The following PCDHGB6 variants were observed in gnomAD, a reference collection of about 807,000 sequenced individuals.
PCDHGB6 encodes protocadherin gamma subfamily B, 6.
A neutral mutation model predicts 59.1 loss-of-function variants in PCDHGB6; 51 were observed. The ratio of observed to expected loss-of-function variants is 0.86; its 90% CI spans 0.69 to 1.09. The LOEUF is 1.09. Ranked by LOEUF, PCDHGB6 falls within the 50% of genes least tolerant of loss-of-function variation. The pLI is 0.00. For synonymous variants in PCDHGB6, 466 were observed against 495.1 expected (o/e 0.94, Z 0.78); for missense variants, 1,148 against 1,205.1 (o/e 0.95, Z 0.70).
At position 141,498,660 on chromosome 5, in the gene PCDHGB6, G is replaced by A. The variant is rs969314533; in HGVS notation, c.2477+3795G>A. Among the ~76,000 whole-genome samples, 11 of 152,192 alleles carry A rather than the reference G, an allele frequency of 7.2e-5. No homozygotes were observed. In the East Asian group the frequency reaches 9.6e-4, roughly 13 times the overall value. ...GAAGGAAGAAGACCTGGCCAGGTGT[G>A]GTGGCTCACGCCTGTAATCCCAGCA... is the stretch of plus-strand genomic sequence containing the variant. On this transcript the variant is annotated intron_variant, in intron 2 of 3. Coordinates refer to ENST00000520790, the MANE Select transcript of PCDHGB6 (RefSeq NM_018926.3).
In PCDHGB6 at chr5:141,443,822, A is replaced by G. The variant is rs183934410; in HGVS notation, c.2418+33202A>G. ...GAAACAGTTACCTTTGGAAAACATAATTAGGTAAAATGGGTAATATGGAAA... is the reference window on the plus strand; with the variant it reads ...GAAACAGTTACCTTTGGAAAACATAGTTAGGTAAAATGGGTAATATGGAAA... On this transcript the variant is annotated intron_variant, in intron 1 of 3. Coordinates refer to ENST00000520790, the MANE Select transcript of PCDHGB6 (RefSeq NM_018926.3). Among the ~76,000 whole-genome samples, 330 of 152,316 alleles carry G rather than the reference A, an allele frequency of 2.2e-3. 2 individuals carry two copies. Among genetic ancestry groups the G allele is most frequent in the Non-Finnish European group, 4.1e-3 (279 of 68,018 alleles).
Position 141,510,362 on chromosome 5 carries a change from C to T in PCDHGB6, c.2567-585C>T, listed in dbSNP as rs74321279. Among the ~76,000 whole-genome samples the T allele has an allele frequency of 2.0e-4, 29 of 142,136 alleles. No homozygotes were observed. In the East Asian group the frequency reaches 5.7e-3, roughly 28 times the overall value. The allele number at this position is 142,136 out of a possible 152,430, so 93.2% of individuals were successfully genotyped here. A position where few individuals can be genotyped will look rare whatever the true frequency, so the allele number is the denominator to read the frequency against. On this transcript the variant is annotated intron_variant, in intron 3 of 3. Coordinates refer to ENST00000520790, the MANE Select transcript of PCDHGB6 (RefSeq NM_018926.3). ...CCCACACACTTACTAACGGAACTAC[C>T]GAATCTCTACTCGTGCCAGGCCTTG... is the stretch of plus-strand genomic sequence containing the variant.
chr5:141,476,179 T>C lies in PCDHGB6; in HGVS notation c.2419-18628T>C, dbSNP rs1283155400. 26 of 1,613,476 alleles carry C rather than the reference T, an allele frequency of 1.6e-5. No homozygotes were observed. The highest frequency in any genetic ancestry group is 2.0e-5 in the Non-Finnish European group (24 of 1,179,998). On this transcript the variant is annotated intron_variant, in intron 1 of 3. Transcript: ENST00000520790. This position sits in a 1 kb window ranked among gnomAD's most constrained non-coding sequence, Gnocchi z 7.6. Reference sequence around the variant, plus strand: ...CCGGGAGGGTAGTGGGAGTTTTGCTTCTGCTTGGTGCCTTGAACAAGGCTT... The same window carrying C: ...CCGGGAGGGTAGTGGGAGTTTTGCTCCTGCTTGGTGCCTTGAACAAGGCTT...
chr5:141,438,807 G>A (rs956766683), intron 1 of PCDHGB6, among the ~76,000 whole-genome samples: 13 of 149,270 alleles, frequency 8.7e-5, no homozygotes, highest in African/African-American at 1.7e-4. Context: ...GATTACAGGC[G>A]CCTGTCACCA....
At chr5:141,473,470 A>G (rs555568617) in intron 1 of PCDHGB6, among the ~76,000 whole-genome samples, 2 of 151,816 alleles carry the variant, frequency 1.3e-5, no homozygotes, top group South Asian at 4.2e-4. Flanking sequence ...AGTTGTGCCA[A>G]GTTCAATGGA....
At chr5:141,424,577 A>T (rs958508704) in intron 1 of PCDHGB6, 1 of 152,206 alleles carries the variant, frequency 6.6e-6, no homozygotes, top group Non-Finnish European at 1.5e-5. Context: ...ACCTATTTTC[A>T]AATGTGCTAA....
In PCDHGB6 at chr5:141,486,157, A is replaced by C. The variant is rs1562110580; in HGVS notation, c.2419-8650A>C. On this transcript the variant is annotated intron_variant, in intron 1 of 3. Transcript: ENST00000520790. This position sits in a 1 kb window ranked among gnomAD's most constrained non-coding sequence, Gnocchi z 5.0. ...TGCGGGCTCGCGATGGGGGTTCTCC[A>C]GCCATGGAGCAACATTGCAGCCTTC... 10 of 1,614,208 alleles carry C rather than the reference A, an allele frequency of 6.2e-6. No individual in the cohort carries two copies. The highest frequency in any genetic ancestry group is 8.5e-6 in the Non-Finnish European group (10 of 1,180,028).
chr5:141,422,310 T>A, intron 1 of PCDHGB6: 1 of 1,546,532 alleles, frequency 6.5e-7, no homozygotes, highest in Non-Finnish European at 8.7e-7. Flanking sequence ...TGGAAAACTC[T>A]CCTCCAGGTA....
chr5:141,430,705 T>C (rs914464861), intron 1 of PCDHGB6: 3 of 1,477,958 alleles, frequency 2.0e-6, no homozygotes, highest in African/African-American at 2.8e-5. Flanking sequence ...AAGGAACTGC[T>C]CCTGACTTCA....
At chr5:141,430,716 G>T (rs1327065498) in intron 1 of PCDHGB6, 2 of 1,487,962 alleles carry the variant, frequency 1.3e-6, no homozygotes, top group African/African-American at 2.8e-5. Context: ...CCTGACTTCA[G>T]TGGTTAAGGG....
At chr5:141,448,074 G>A (rs1008235342) in intron 1 of PCDHGB6, among the ~76,000 whole-genome samples, 3 of 151,152 alleles carry the variant, frequency 2.0e-5, no homozygotes, top group Admixed American at 1.3e-4. Context: ...CAACATGAAC[G>A]AAATGCCATC....
chr5:141,427,805 A>G lies in PCDHGB6; in HGVS notation c.2418+17185A>G, dbSNP rs1010656936. The G allele has an allele frequency of 3.3e-6, 5 of 1,520,154 alleles. No homozygotes were observed. In the African/African-American group the frequency reaches 4.1e-5, roughly 12 times the overall value. 94.2% of individuals were successfully genotyped at this position (1,520,154 alleles called of 1,614,324 possible). ...TGTCGTCCTACGTGTCCGTGAGCGC[A>G]CAGAGCGGGGTGGTGGTCGCGCAGC... On this transcript the variant is annotated intron_variant, in intron 1 of 3. Coordinates refer to ENST00000520790, the MANE Select transcript of PCDHGB6 (RefSeq NM_018926.3).
chr5:141,507,631 C>A (rs1435446169), intron 3 of PCDHGB6, among the ~76,000 whole-genome samples: 1 of 152,236 alleles, frequency 6.6e-6, no homozygotes, highest in Non-Finnish European at 1.5e-5. Context: ...TGTGGCCTTG[C>A]GCCCTGAGGC....
At chr5:141,426,480 C>T (rs1379758117) in intron 1 of PCDHGB6, 4 of 325,590 alleles carry the variant, frequency 1.2e-5, no homozygotes, top group Non-Finnish European at 1.8e-5. Flanking sequence ...TGACCTGAAA[C>T]CTTAGAGTTA....
At chr5:141,478,173 A>G (rs1397071220) in intron 1 of PCDHGB6, 1 of 1,613,986 alleles carries the variant, frequency 6.2e-7, no homozygotes, top group Non-Finnish European at 8.5e-7. Flanking sequence ...CCCCGGGAGC[A>G]GAAAAAAAAT....
intron 1 of PCDHGB6, among the ~76,000 whole-genome samples, chr5:141,444,977 T>A (rs2098452876): frequency 1.3e-5 from 2 of 152,200 alleles, no homozygotes; most frequent in South Asian, 4.1e-4. Flanking sequence ...TTCAAATCCA[T>A]GAACATGGTA....
chr5:141,423,877 C>G, intron 1 of PCDHGB6: 1 of 1,283,890 alleles, frequency 7.8e-7, no homozygotes, highest in South Asian at 3.4e-5. Flanking sequence ...ATTTTTCAAT[C>G]TTGGCATATT....
At chr5:141,450,810 AT>A (rs755484062) in intron 1 of PCDHGB6, among the ~76,000 whole-genome samples, 1 of 136,728 alleles carries the variant, frequency 7.3e-6, no homozygotes, top group Admixed American at 7.3e-5. Context: ...TTATTTATTT[AT>A]TTAATATTAT....
chr5:141,477,052 C>T lies in PCDHGB6; in HGVS notation c.2419-17755C>T. On this transcript the variant is annotated intron_variant, in intron 1 of 3. Coordinates refer to ENST00000520790, the MANE Select transcript of PCDHGB6 (RefSeq NM_018926.3). The surrounding 1 kb of genome is among the most constrained non-coding windows in gnomAD (Gnocchi z 4.9). ...TGACAATCAAGGGTCGGCTGGACTT[C>T]GAGGACACCAAACTCCATGAGATTT... 1.2e-6 allele frequency: 2 copies of T among 1,614,240 alleles called. No individual in the cohort carries two copies. The highest frequency in any genetic ancestry group is 1.7e-6 in the Non-Finnish European group (2 of 1,180,032).
Sources: gnomAD v4.1 joint callset for allele counts (sites outside exome capture counted in the v4.1 genomes callset) on GRCh38, gnomAD v4.1.1 for gene constraint, Gnocchi (gnomAD v3.1) non-coding constraint, MANE v1.5 for transcripts, NCBI Gene and HGNC (gene_info 2026-07-23, HGNC 2026-07-21) for gene names.